TSTD2: variants seen among roughly 807,000 people sequenced by gnomAD.
TSTD2 encodes thiosulfate sulfurtransferase like domain containing 2.
In TSTD2, 37 loss-of-function variants were observed where a neutral mutation model predicts 47.9. The observed-to-expected ratio is 0.77, with a 90% confidence interval of 0.59 to 1.02. The LOEUF is 1.02. TSTD2 is among the 50% of genes least tolerant of loss of function. The pLI is 0.00. For synonymous variants in TSTD2, 201 were observed against 215.9 expected, an observed-to-expected ratio of 0.93 and a Z score of 0.61; for missense variants, 586 against 616.0, an observed-to-expected ratio of 0.95 and a Z score of 0.52.
chr9:97,607,110 G>A (rs1185592381), intron 6 of TSTD2, among the ~76,000 whole-genome samples: 1 of 152,150 alleles, frequency 6.6e-6, no homozygotes, highest in African/African-American at 2.4e-5. Flanking sequence ...AGGCCTCAGT[G>A]AGCTATGATC....
chr9:97,627,398 C>A lies in TSTD2; in HGVS notation c.165G>T (p.Lys55Asn). The part of the protein sequence containing the change: ...TKKKYSFAKK[K>N]AFALFVKTKE... ...CATGAAACATTCATAAGAATTCTACCTTTTTCTTTGCAAACGAGTATTTCT... is the reference window on the plus strand; with the variant it reads ...CATGAAACATTCATAAGAATTCTACATTTTTCTTTGCAAACGAGTATTTCT... Residue 55 changes from lysine (K) to asparagine (N), a missense_variant and splice_region_variant, in exon 2 of 10, where the codon AAG becomes AAT. Lys to Asn is a moderately conservative substitution (Grantham distance 94, BLOSUM62 0). Coordinates refer to ENST00000341170, the MANE Select transcript of TSTD2 (RefSeq NM_139246.5). 1 of 1,593,666 alleles carries A rather than the reference C, an allele frequency of 6.3e-7. No individual in the cohort carries two copies. Among genetic ancestry groups the A allele is most frequent in the Non-Finnish European group, 8.6e-7 (1 of 1,167,534 alleles).
At chr9:97,602,816 A>C (rs1460813713) in intron 9 of TSTD2, 49 bp from the exon 10 acceptor site, 4 of 1,529,468 alleles carry the variant, frequency 2.6e-6, no homozygotes, top group Non-Finnish European at 3.5e-6. Context: ...ATTCACACAC[A>C]CGTGGACAGG....
rs1327074757 is a variant in TSTD2, at chr9:97,602,909, AG to A, written c.1253-143del. ...CCAAATAGTAAGTCTTCTGTCTTCT[AG>A]CAACAACAACTAACCACCACCCCCA... On this transcript the variant is annotated intron_variant, in intron 9 of 9. Transcript: ENST00000341170. 6.2e-6 allele frequency: 5 copies of A among 805,546 alleles called. No homozygotes were observed. The African/African-American group carries it at 8.8e-5, about 14-fold the overall frequency. The allele number at this position is 805,546 out of a possible 1,614,324, so 49.9% of individuals were successfully genotyped here.
In TSTD2 at chr9:97,602,622, T is replaced by C; in HGVS notation, c.1398A>G (p.Lys466=). Residue 466 remains lysine (K), a synonymous_variant, in exon 10 of 10, where the codon AAA becomes AAG. Transcript: ENST00000341170. The part of the protein sequence containing the change: ...CVTCQDKGSR[K]VSGPMQDSFK... The stretch of plus-strand genomic sequence containing the variant: ...AGCTGTCTTGCATAGGGCCTGAAAC[T>C]TTCCTGCTCCCCTTGTCTTGACATG... 1 of 1,614,232 alleles carries C rather than the reference T, an allele frequency of 6.2e-7. No individual in the cohort carries two copies. The highest frequency in any genetic ancestry group is 2.2e-5 in the East Asian group (1 of 44,882).
At position 97,600,276 on chromosome 9, in the gene TSTD2, G is replaced by A. The variant is rs1049953006; in HGVS notation, c.*2193C>T. 1 of 986,098 alleles carries A rather than the reference G, an allele frequency of 1.0e-6. No homozygotes were observed. The highest frequency in any genetic ancestry group is 1.7e-5 in the African/African-American group (1 of 57,210). 61.1% of individuals were successfully genotyped at this position (986,098 alleles called of 1,614,324 possible). A position where few individuals can be genotyped will look rare whatever the true frequency, so the allele number is the denominator to read the frequency against. On this transcript the variant is annotated 3_prime_UTR_variant, in exon 10 of 10. Coordinates refer to ENST00000341170, the MANE Select transcript of TSTD2 (RefSeq NM_139246.5). The stretch of plus-strand genomic sequence containing the variant: ...GACTGAAGCCACTGAACTCTGCCAG[G>A]AGTCAACATGAGATTCCTTTTGCTG...
chr9:97,601,299 G>A lies in TSTD2; in HGVS notation c.*1170C>T. ...TGGAACCTGTGTGACAGGGACATGT[G>A]CCTGGCACACTGGCCAGAAGACTGG... On this transcript the variant is annotated 3_prime_UTR_variant, in exon 10 of 10. Coordinates refer to ENST00000341170, the MANE Select transcript of TSTD2 (RefSeq NM_139246.5). 1 of 1,177,318 alleles carries A rather than the reference G, an allele frequency of 8.5e-7. No individual in the cohort carries two copies. The highest frequency in any genetic ancestry group is 1.1e-6 in the Non-Finnish European group (1 of 930,014). The allele number at this position is 1,177,318 out of a possible 1,614,324, so 72.9% of individuals were successfully genotyped here. A position where few individuals can be genotyped will look rare whatever the true frequency, so the allele number is the denominator to read the frequency against.
chr9:97,605,572 T>A lies in TSTD2; in HGVS notation c.1024A>T (p.Asn342Tyr). 4 of 1,614,178 alleles carry A rather than the reference T, an allele frequency of 2.5e-6. No individual in the cohort carries two copies. The highest frequency in any genetic ancestry group is 3.4e-6 in the Non-Finnish European group (4 of 1,180,040). The stretch of plus-strand genomic sequence containing the variant: ...CTCTTCTCTCTGAAAAGTTCTAGAT[T>A]TTTGTCAACGTAGCTAGGGAAGTAA... ...FSYFPSYVDK[N>Y]LELFREKRVL... The change falls in exon 8 of 10, where the codon AAT becomes TAT. Residue 342 changes from asparagine to tyrosine, a missense_variant. Coordinates refer to ENST00000341170, the MANE Select transcript of TSTD2 (RefSeq NM_139246.5).
intron 3 of TSTD2, among the ~76,000 whole-genome samples, chr9:97,623,338 G>A (rs1826670051): frequency 6.6e-6 from 1 of 152,112 alleles, no homozygotes; most frequent in Admixed American, 6.5e-5. Context: ...CCTGCCATGC[G>A]GAACTGTTAA....
intron 1 of TSTD2, among the ~76,000 whole-genome samples, chr9:97,628,455 G>C (rs1826757403): frequency 6.6e-6 from 1 of 152,092 alleles, no homozygotes; most frequent in Non-Finnish European, 1.5e-5. Context: ...GTGCATTGTA[G>C]TATCTACATT....
At chr9:97,632,029 AG>A (rs767718551) in intron 1 of TSTD2, among the ~76,000 whole-genome samples, 12 of 152,092 alleles carry the variant, frequency 7.9e-5, no homozygotes, top group Non-Finnish European at 1.3e-4. Flanking sequence ...CCAAGAGAGC[AG>A]GGGTTTTCCT....
chr9:97,611,708 C>A lies in TSTD2; in HGVS notation c.604-9G>T. 1 of 1,596,590 alleles carries A rather than the reference C, an allele frequency of 6.3e-7. No individual in the cohort carries two copies. On this transcript the variant is annotated splice_polypyrimidine_tract_variant and intron_variant, in intron 4 of 9. Transcript: ENST00000341170. ...TCTGCAGCAATTCGAATCTGAGACA[C>A]AAGACGGTGAAAAAGAGAACAGATT...
chr9:97,600,731 A>T lies in TSTD2; in HGVS notation c.*1738T>A. Reference sequence around the variant, plus strand: ...CCGGACAATGGTGAAGAAACTCCAGATATCAAGGAATTGGGAAATCCTGGC... The same window carrying T: ...CCGGACAATGGTGAAGAAACTCCAGTTATCAAGGAATTGGGAAATCCTGGC... On this transcript the variant is annotated 3_prime_UTR_variant, in exon 10 of 10. Transcript: ENST00000341170. The T allele has an allele frequency of 3.0e-6, 3 of 1,007,686 alleles. No individual in the cohort carries two copies. The highest frequency in any genetic ancestry group is 3.6e-6 in the Non-Finnish European group (3 of 843,366). 62.4% of individuals were successfully genotyped at this position (1,007,686 alleles called of 1,614,324 possible). A position where few individuals can be genotyped will look rare whatever the true frequency, so the allele number is the denominator to read the frequency against.
intron 9 of TSTD2, among the ~76,000 whole-genome samples, chr9:97,603,905 G>C (rs1451312029): frequency 1.3e-5 from 2 of 152,098 alleles, no homozygotes; most frequent in Non-Finnish European, 2.9e-5. Flanking sequence ...TGCCCAGACT[G>C]GTCTCAAACT....
At chr9:97,614,574 G>A (rs12375516) in intron 4 of TSTD2, among the ~76,000 whole-genome samples, 21,658 of 152,158 alleles carry the variant, frequency 0.14, 2,042 homozygotes, top group Middle Eastern at 0.35. Flanking sequence ...GACAAGATCT[G>A]GAGAGGACTA....
chr9:97,601,901 TG>T lies in TSTD2; in HGVS notation c.*567del, dbSNP rs1164133821. On this transcript the variant is annotated 3_prime_UTR_variant, in exon 10 of 10. Coordinates refer to ENST00000341170, the MANE Select transcript of TSTD2 (RefSeq NM_139246.5). Reference sequence around the variant, plus strand: ...TAGGGCCCACTGTGGGACTTGAGTATGCATTGGGTTTTTGTATACTCAGGCG... The same window carrying T: ...TAGGGCCCACTGTGGGACTTGAGTATCATTGGGTTTTTGTATACTCAGGCG... 6.6e-6 allele frequency: 1 copy of T among 152,574 alleles called. No homozygotes were observed. The highest frequency in any genetic ancestry group is 1.5e-5 in the Non-Finnish European group (1 of 68,342). The allele number at this position is 152,574 out of a possible 1,614,324, so 9.5% of individuals were successfully genotyped here. A position where few individuals can be genotyped will look rare whatever the true frequency, so the allele number is the denominator to read the frequency against.
chr9:97,610,932 T>C (rs932042771), intron 5 of TSTD2: 7 of 152,550 alleles, frequency 4.6e-5, no homozygotes, highest in African/African-American at 1.7e-4. Flanking sequence ...AGTGATCTGC[T>C]GACCAGGCTG....
intron 1 of TSTD2, among the ~76,000 whole-genome samples, chr9:97,632,765 A>G (rs2131322075): frequency 6.6e-6 from 1 of 152,316 alleles, no homozygotes; most frequent in South Asian, 2.1e-4. Context: ...CAGGGTTTAC[A>G]GATAATTGTT....
In TSTD2 at chr9:97,602,094, G is replaced by C. The variant is rs3824494; in HGVS notation, c.*375C>G. ...TTAGGAGGCCACTCCCAGGGCCACAGCTTTCATGTGTTTGCCACCAGGGTA... is the reference window on the plus strand; with the variant it reads ...TTAGGAGGCCACTCCCAGGGCCACACCTTTCATGTGTTTGCCACCAGGGTA... On this transcript the variant is annotated 3_prime_UTR_variant, in exon 10 of 10. Transcript: ENST00000341170. 0.022 allele frequency: 3,981 copies of C among 181,350 alleles called. 148 individuals carry two copies. Among genetic ancestry groups the C allele is most frequent in the East Asian group, 0.12 (790 of 6,654 alleles). 11.2% of individuals were successfully genotyped at this position (181,350 alleles called of 1,614,324 possible). A position where few individuals can be genotyped will look rare whatever the true frequency, so the allele number is the denominator to read the frequency against.
At chr9:97,622,217 C>T (rs975391645) in intron 3 of TSTD2, among the ~76,000 whole-genome samples, 1 of 152,204 alleles carries the variant, frequency 6.6e-6, no homozygotes, top group African/African-American at 2.4e-5. Context: ...GCCCTGCATC[C>T]CAGCCACTCT....
Sources: allele counts gnomAD v4.1 joint callset (sites outside exome capture counted in the v4.1 genomes callset), GRCh38; gene constraint gnomAD v4.1.1; transcripts MANE v1.5; gene names NCBI Gene and HGNC (gene_info 2026-07-23, HGNC 2026-07-21).